Variants in RSRP1 observed in about 807,000 individuals in gnomAD.
The protein encoded by RSRP1 is arginine/serine-rich protein 1.
In RSRP1, 37 loss-of-function variants were observed where a neutral mutation model predicts 33.0. The ratio of observed to expected loss-of-function variants is 1.12; its 90% confidence interval spans 0.86 to 1.48. The LOEUF is 1.48. Among genes scored for constraint, RSRP1 ranks in the 40% most tolerant of loss-of-function variants. The probability of loss-of-function intolerance (pLI) is 0.00; values close to 1 mark genes in which losing one functional copy is unlikely to be tolerated. For synonymous variants in RSRP1, 167 were observed against 158.7 expected (o/e 1.05, Z -0.40); for missense variants, 402 against 385.3 (o/e 1.04, Z -0.36).
chr1:25,331,678 C>T (rs1645010831), intron 1 of RSRP1, among the ~76,000 whole-genome samples: 1 of 122,474 alleles, frequency 8.2e-6, no homozygotes, highest in African/African-American at 2.8e-5. Flanking sequence ...CGCCATTCTC[C>T]TGCCTCAATC....
At chr1:25,252,897 C>T (rs1463588248) in intron 1 of RSRP1, among the ~76,000 whole-genome samples, 2 of 151,982 alleles carry the variant, frequency 1.3e-5, no homozygotes, top group Non-Finnish European at 2.9e-5. Context: ...TGTCATTGGA[C>T]TCAAGGAACA....
At chr1:25,282,841 G>A (rs1446125757) in intron 1 of RSRP1, among the ~76,000 whole-genome samples, 1 of 129,668 alleles carries the variant, frequency 7.7e-6, no homozygotes, top group Non-Finnish European at 1.8e-5. Context: ...GTTGCAGCGA[G>A]CCGAGATCGC....
chr1:25,311,658 A>G (rs1471789327), intron 1 of RSRP1, among the ~76,000 whole-genome samples: 1 of 129,930 alleles, frequency 7.7e-6, no homozygotes, highest in Non-Finnish European at 1.8e-5. Flanking sequence ...TTACTGGCCC[A>G]GAGCTCTAAG....
chr1:25,322,217 C>T (rs1644747445), intron 1 of RSRP1, among the ~76,000 whole-genome samples: 1 of 132,144 alleles, frequency 7.6e-6, no homozygotes, highest in African/African-American at 2.6e-5. Flanking sequence ...ACAGCTTTCA[C>T]TGGCCACACT....
In RSRP1 at chr1:25,246,642, G is replaced by A; in HGVS notation, c.322C>T (p.Pro108Ser). 5 of 1,614,066 alleles carry A rather than the reference G, an allele frequency of 3.1e-6. No individual in the cohort carries two copies. The highest frequency in any genetic ancestry group is 3.4e-6 in the Non-Finnish European group (4 of 1,180,024). Reference protein sequence around the residue: ...YGFTRRYYRSPSRYRSRSRSR... With the variant: ...YGFTRRYYRSSSRYRSRSRSR... ...CGGGACCGGGACCGGTACCGCGAAG[G>A]AGACCGGTAGTATCTCCTGGTGAAC... Residue 108 changes from proline to serine, a missense_variant, in exon 2 of 5, where the codon CCT becomes TCT. Transcript: ENST00000243189.
chr1:25,282,878 G>C lies in RSRP1; in HGVS notation c.-66-35849C>G, dbSNP rs1444319699. On this transcript the variant is annotated intron_variant, in intron 1 of 1. Coordinates refer to the RSRP1 transcript ENST00000561867. ...CCACTGCACTCCAACCTGGGCAACAGAGAGACTCTGTCTCGAAAAAAAAAA... is the reference window on the plus strand; with the variant it reads ...CCACTGCACTCCAACCTGGGCAACACAGAGACTCTGTCTCGAAAAAAAAAA... Among the ~76,000 whole-genome samples, 13 of 129,714 alleles carry C rather than the reference G, an allele frequency of 1.0e-4. 4 individuals carry two copies. In the South Asian group the frequency reaches 2.4e-3, roughly 24 times the overall value. The allele number at this position is 129,714 out of a possible 152,430, so 85.1% of individuals were successfully genotyped here.
intron 1 of RSRP1, chr1:25,306,478 G>T: frequency 1.0e-6 from 1 of 980,780 alleles, no homozygotes; most frequent in South Asian, 1.3e-5. Flanking sequence ...GCTTCTTTGA[G>T]GTGAGCCTTA....
chr1:25,300,630 T>A (rs28572396), intron 1 of RSRP1, among the ~76,000 whole-genome samples: 1 of 129,274 alleles, frequency 7.7e-6, no homozygotes, highest in South Asian at 2.4e-4. Context: ...GCAAACACGG[T>A]GAAACCCCAT....
Position 25,311,723 on chromosome 1 carries a change from G to GT in RSRP1, c.-67+26254_-67+26255insA, listed in dbSNP as rs1644159963. 2.4e-5 allele frequency among the ~76,000 whole-genome samples: 3 copies of GT among 126,138 alleles called. 1 individual carries two copies. The highest frequency in any genetic ancestry group is 1.9e-5 in the Non-Finnish European group (1 of 53,732). 82.8% of individuals were successfully genotyped at this position (126,138 alleles called of 152,430 possible). ...CTGCCCAGGGCTGCCTTGGGTCTCTGCTCCCCACATTTCTGGTGCAGCATT... is the reference window on the plus strand; with the variant it reads ...CTGCCCAGGGCTGCCTTGGGTCTCTGTCTCCCCACATTTCTGGTGCAGCATT... On this transcript the variant is annotated intron_variant, in intron 1 of 1. Transcript: ENST00000561867.
intron 1 of RSRP1, among the ~76,000 whole-genome samples, chr1:25,262,679 T>A (rs2124564325): frequency 6.6e-6 from 1 of 152,220 alleles, no homozygotes; most frequent in African/African-American, 2.4e-5. Context: ...CCCAAAGGCC[T>A]TAGAACCCCA....
In RSRP1 at chr1:25,283,108, C is replaced by G. The variant is rs547581398; in HGVS notation, c.-66-36079G>C. Among the ~76,000 whole-genome samples, 16 of 132,454 alleles carry G rather than the reference C, an allele frequency of 1.2e-4. No individual in the cohort carries two copies. In the South Asian group the frequency reaches 3.7e-3, roughly 30 times the overall value. The allele number at this position is 132,454 out of a possible 152,430, so 86.9% of individuals were successfully genotyped here. ...GGAGCAATTATGTGCATTACATATACCATTTGATTCTGGCAACCTAATGAA... is the reference window on the plus strand; with the variant it reads ...GGAGCAATTATGTGCATTACATATAGCATTTGATTCTGGCAACCTAATGAA... On this transcript the variant is annotated intron_variant, in intron 1 of 1. Coordinates refer to the RSRP1 transcript ENST00000561867.
intron 1 of RSRP1, among the ~76,000 whole-genome samples, chr1:25,316,631 AAAAAAG>A (rs1644455581): frequency 1.7e-5 from 2 of 119,964 alleles, no homozygotes; most frequent in African/African-American, 5.5e-5. Flanking sequence ...AAAAAAAAAA[AAAAAAG>A]AGAGAGAGAG....
intron 1 of RSRP1, chr1:25,304,313 T>C (rs1226322756): frequency 8.8e-6 from 1 of 113,044 alleles, no homozygotes; most frequent in Non-Finnish European, 2.1e-5. Context: ...CATTCCAACC[T>C]AAAATTAGGA....
Position 25,299,995 on chromosome 1 carries a change from C to A in RSRP1, c.-67+37983G>T, listed in dbSNP as rs1557539038. Among the ~76,000 whole-genome samples, 3 of 131,092 alleles carry A rather than the reference C, an allele frequency of 2.3e-5. 1 individual carries two copies. Among genetic ancestry groups the A allele is most frequent in the Admixed American group, 2.2e-4 (3 of 13,436 alleles). The allele number at this position is 131,092 out of a possible 152,430, so 86.0% of individuals were successfully genotyped here. On this transcript the variant is annotated intron_variant, in intron 1 of 1. Coordinates refer to the RSRP1 transcript ENST00000561867. ...GAACTCCTGACCTCAGGTGATCCAC[C>A]CACCTCAGCCTCCCAAAGTGCTGGG...
rs1228498957 is a variant in RSRP1 at position 25,320,693 on chromosome 1, C to T, written c.-67+17285G>A. On this transcript the variant is annotated intron_variant, in intron 1 of 1. Coordinates refer to the RSRP1 transcript ENST00000561867. ...TTCCATGTGTCCTGTGAAATTCATC[C>T]AACTTCAGGAAGCTGGAGGAATACA... Among the ~76,000 whole-genome samples, 2 of 132,026 alleles carry T rather than the reference C, an allele frequency of 1.5e-5. 1 individual carries two copies. The highest frequency in any genetic ancestry group is 3.6e-5 in the Non-Finnish European group (2 of 55,770). The allele number at this position is 132,026 out of a possible 152,430, so 86.6% of individuals were successfully genotyped here. A position where few individuals can be genotyped will look rare whatever the true frequency, so the allele number is the denominator to read the frequency against.
intron 1 of RSRP1, among the ~76,000 whole-genome samples, chr1:25,264,302 C>T (rs532775583): frequency 2.6e-5 from 4 of 152,150 alleles, no homozygotes; most frequent in East Asian, 1.9e-4. Context: ...CCTGCTCCTG[C>T]AGCAAACTTC....
At chr1:25,244,752 T>C in intron 3 of RSRP1, 1 of 1,102,604 alleles carries the variant, frequency 9.1e-7, no homozygotes, top group Non-Finnish European at 1.2e-6. Context: ...TGGTGCCATC[T>C]TGGCTCACTG....
Position 25,309,533 on chromosome 1 carries a change from T to C in RSRP1, c.-67+28445A>G, listed in dbSNP as rs1315001063. ...AACTCAGTTTTCTTTTAAATTCAAT[T>C]ATTTAAATGTAAAAATAAGTCTATT... is the stretch of plus-strand genomic sequence containing the variant. On this transcript the variant is annotated intron_variant, in intron 1 of 1. Coordinates refer to the RSRP1 transcript ENST00000561867. 2.3e-5 allele frequency among the ~76,000 whole-genome samples: 3 copies of C among 132,232 alleles called. 1 individual carries two copies. Among genetic ancestry groups the C allele is most frequent in the African/African-American group, 7.8e-5 (3 of 38,246 alleles). The allele number at this position is 132,232 out of a possible 152,430, so 86.7% of individuals were successfully genotyped here.
Position 25,271,909 on chromosome 1 carries a change from C to A in RSRP1, c.-66-24880G>T, listed in dbSNP as rs1175513508. Among the ~76,000 whole-genome samples, 2 of 131,326 alleles carry A rather than the reference C, an allele frequency of 1.5e-5. 1 individual carries two copies. The highest frequency in any genetic ancestry group is 3.6e-5 in the Non-Finnish European group (2 of 55,294). 86.2% of individuals were successfully genotyped at this position (131,326 alleles called of 152,430 possible). ...CCCACATCTCCTTTCTCTTCTGCCA[C>A]CCCCCCTTAAAATGCTTAGAAACAC... On this transcript the variant is annotated intron_variant, in intron 1 of 1. Coordinates refer to the RSRP1 transcript ENST00000561867.
Sources: gnomAD v4.1 joint callset for allele counts (sites outside exome capture counted in the v4.1 genomes callset) on GRCh38, gnomAD v4.1.1 for gene constraint, MANE v1.5 for transcripts, NCBI Gene and HGNC (gene_info 2026-07-23, HGNC 2026-07-21) for gene names.